Variants in SYTL5 observed in about 807,000 individuals in gnomAD.
SYTL5 encodes the protein synaptotagmin-like protein 5.
Under a neutral mutation model 55.9 loss-of-function variants are expected in SYTL5, and 34 were observed. The ratio of observed to expected loss-of-function variants is 0.61; its 90% CI spans 0.46 to 0.81. The LOEUF (loss-of-function observed/expected upper bound fraction) is 0.81, where lower values mean the gene tolerates loss of function less well. Among genes scored for constraint, SYTL5 ranks in the 30% least tolerant of loss-of-function variants. The pLI is 0.00. For missense variants in SYTL5, 637 were observed against 546.7 expected (o/e 1.17, Z -1.65); for synonymous variants, 221 against 188.7 (o/e 1.17, Z -1.40).
intron 2 of SYTL5, among the ~76,000 whole-genome samples, chrX:38,046,789 A>G (rs1220318584): frequency 1.8e-5 from 2 of 112,064 alleles, no homozygotes; most frequent in Non-Finnish European, 3.8e-5. Context: ...AATCAAAAGC[A>G]AGTTAGTTAC....
chrX:37,953,102 T>C, the SYTL5 span, among the ~76,000 whole-genome samples: 2 of 111,562 alleles, frequency 1.8e-5, no homozygotes, highest in Admixed American at 1.9e-4. Context: ...CAAAGTGAAG[T>C]TATTGAGCAT....
At position 38,128,140 on chromosome X, in the gene SYTL5, AAGCTAGAAG is replaced by A. The variant is rs1476724652; in HGVS notation, c.*1411_*1419del. The A allele has an allele frequency of 3.6e-5, 4 of 112,340 alleles. No homozygotes were observed. The Admixed American group carries it at 3.8e-4, about 11-fold the overall frequency. 9.3% of individuals were successfully genotyped at this position (112,340 alleles called of 1,213,427 possible). ...CGAAACTTAGATGCAAAGAAAGTTA[AAGCTAGAAG>A]GAACCTCAGGCCCAGTTGCTCATTT... On this transcript the variant is annotated 3_prime_UTR_variant, in exon 17 of 17. Coordinates refer to ENST00000297875, the MANE Select transcript of SYTL5 (RefSeq NM_138780.3).
chrX:37,943,680 A>T, the SYTL5 span, among the ~76,000 whole-genome samples: 1 of 111,429 alleles, frequency 9.0e-6, no homozygotes, highest in African/African-American at 3.3e-5. Context: ...CAAAGAGGGG[A>T]GCCCAAGGTC....
At chrX:37,969,547 G>A in the SYTL5 span, among the ~76,000 whole-genome samples, 7 of 111,897 alleles carry the variant, frequency 6.3e-5, no homozygotes, top group African/African-American at 1.6e-4. Flanking sequence ...GCCTGTTTTC[G>A]AAAACAATTT....
the SYTL5 span, among the ~76,000 whole-genome samples, chrX:37,940,702 T>C: frequency 9.1e-6 from 1 of 109,402 alleles, no homozygotes; most frequent in African/African-American, 3.3e-5. Flanking sequence ...GTAAAATTTA[T>C]TGGAAGTCAG....
chrX:38,015,328 A>G (rs890971144), intron 1 of SYTL5, among the ~76,000 whole-genome samples: 1 of 112,604 alleles, frequency 8.9e-6, no homozygotes, highest in African/African-American at 3.2e-5. Context: ...ACCATTTCAC[A>G]TGAAAAAGTG....
chrX:37,996,644 G>C, the SYTL5 span, among the ~76,000 whole-genome samples: 2 of 112,483 alleles, frequency 1.8e-5, no homozygotes, highest in Non-Finnish European at 3.8e-5. Context: ...AGGAGACTTG[G>C]AGGGTAAAGG....
the SYTL5 span, among the ~76,000 whole-genome samples, chrX:37,973,981 A>G: frequency 1.8e-5 from 2 of 111,807 alleles, no homozygotes; most frequent in African/African-American, 6.5e-5. Flanking sequence ...AATTTCACTT[A>G]TATGTAGAAT....
At chrX:37,923,995 G>A in the SYTL5 span, among the ~76,000 whole-genome samples, 1 of 111,201 alleles carries the variant, frequency 9.0e-6, no homozygotes, top group East Asian at 2.8e-4. Flanking sequence ...TCCCGCCAAG[G>A]TTCTGACACT....
intron 7 of SYTL5, 69 bp from the exon 8 acceptor site, chrX:38,094,222 ATATT>A: frequency 1.0e-6 from 1 of 970,070 alleles, no homozygotes; most frequent in Non-Finnish European, 1.4e-6. Flanking sequence ...ATACTGAAGT[ATATT>A]TATGTAGATG....
the SYTL5 span, among the ~76,000 whole-genome samples, chrX:37,930,568 G>A: frequency 2.7e-5 from 3 of 111,637 alleles, no homozygotes; most frequent in African/African-American, 6.5e-5. Context: ...TGAAACTGCC[G>A]TACCAATCTG....
intron 13 of SYTL5, among the ~76,000 whole-genome samples, chrX:38,116,856 A>G (rs1937501785): frequency 8.9e-6 from 1 of 112,562 alleles, no homozygotes; most frequent in Non-Finnish European, 1.9e-5. Flanking sequence ...CTTTGCAGAA[A>G]GGATTCTGCT....
At chrX:37,902,465 G>A in the SYTL5 span, among the ~76,000 whole-genome samples, 123 of 112,061 alleles carry the variant, frequency 1.1e-3, no homozygotes, top group African/African-American at 3.9e-3. Flanking sequence ...TGCTTATAAA[G>A]GTACATAAGT....
chrX:38,115,798 G>T (rs1037139265), intron 13 of SYTL5, among the ~76,000 whole-genome samples: 1 of 111,494 alleles, frequency 9.0e-6, no homozygotes, highest in African/African-American at 3.3e-5. Context: ...CTATTGAATT[G>T]CTTGAGTTCC....
the SYTL5 span, among the ~76,000 whole-genome samples, chrX:37,984,455 A>G: frequency 1.8e-5 from 2 of 112,132 alleles, no homozygotes. Context: ...ATCTGAATAG[A>G]CTTCTTCTAA....
chrX:38,110,538 T>C (rs1016846770), intron 13 of SYTL5, 56 bp downstream of exon 13: 4 of 970,967 alleles, frequency 4.1e-6, no homozygotes, highest in African/African-American at 1.9e-5. Flanking sequence ...ATGAGCGAAA[T>C]TGATGTCACA....
intron 1 of SYTL5, among the ~76,000 whole-genome samples, chrX:38,031,670 A>G (rs1934956028): frequency 8.9e-6 from 1 of 112,021 alleles, no homozygotes. Flanking sequence ...TGAGTTTTCA[A>G]TTTTTTTTCC....
upstream of SYTL5, among the ~76,000 whole-genome samples, chrX:38,002,885 G>T (rs1473880886): frequency 8.9e-6 from 1 of 111,736 alleles, no homozygotes; most frequent in Non-Finnish European, 1.9e-5. Flanking sequence ...GATCCCATTT[G>T]TCAATTTTGT....
At chrX:37,985,372 T>G in the SYTL5 span, among the ~76,000 whole-genome samples, 10 of 111,217 alleles carry the variant, frequency 9.0e-5, no homozygotes, top group Non-Finnish European at 1.5e-4. Context: ...AAATATCAAT[T>G]GTCTTTCTAT....
Sources: gnomAD v4.1 joint callset for allele counts (sites outside exome capture counted in the v4.1 genomes callset) on GRCh38, gnomAD v4.1.1 for gene constraint, MANE v1.5 for transcripts, NCBI Gene and HGNC (gene_info 2026-07-23, HGNC 2026-07-21) for gene names.